The following KDM2B variants were observed in gnomAD, a reference collection of about 807,000 sequenced individuals.
KDM2B encodes the protein lysine-specific demethylase 2B.
A neutral mutation model predicts 150.0 loss-of-function variants in KDM2B; 26 were observed. The ratio of observed to expected loss-of-function variants is 0.17; its 90% CI spans 0.13 to 0.24. The LOEUF is 0.24. Among genes scored for constraint, KDM2B ranks in the 10% least tolerant of loss-of-function variants. The pLI is 1.00. For synonymous variants in KDM2B, 734 were observed against 729.5 expected (o/e 1.01, Z -0.10); for missense variants, 1,265 against 1,816.9 (o/e 0.70, Z 5.52).
rs34911648 is a variant in KDM2B at position 121,444,510 on chromosome 12, G to A, written c.2130C>T (p.Asn710=). 4,705 of 1,614,128 alleles carry A rather than the reference G, an allele frequency of 2.9e-3. 114 individuals carry two copies. In the African/African-American group the frequency reaches 0.056, roughly 19 times the overall value. Residue 710 remains asparagine (N), a synonymous_variant, in exon 15 of 23, where the codon AAC becomes AAT. Coordinates refer to ENST00000377071, the MANE Select transcript of KDM2B (RefSeq NM_032590.5). ...ACTCCCAGCAGTTTGGAAGCTCGTC[G>A]TTGACCACACCCTCTGACTCCTTAA... ...LKIKESEGVV[N]DELPNCWECP... is the part of the protein sequence containing the mutation.
chr12:121,486,670 C>T (rs1321343953), intron 12 of KDM2B, among the ~76,000 whole-genome samples: 1 of 152,014 alleles, frequency 6.6e-6, no homozygotes, highest in Non-Finnish European at 1.5e-5. Context: ...CCTATAATCC[C>T]AGCTACTCGG....
chr12:121,477,405 G>A (rs1468311796), intron 12 of KDM2B, among the ~76,000 whole-genome samples: 1 of 151,052 alleles, frequency 6.6e-6, no homozygotes, highest in Non-Finnish European at 1.5e-5. Flanking sequence ...TTTTTTAAGA[G>A]ACAAAGTCTA....
chr12:121,556,061 G>A (rs942558557), intron 4 of KDM2B, among the ~76,000 whole-genome samples: 8 of 151,904 alleles, frequency 5.3e-5, no homozygotes, highest in African/African-American at 1.9e-4. Flanking sequence ...CGAGTAGCTG[G>A]GACTACAAGA....
intron 22 of KDM2B, among the ~76,000 whole-genome samples, chr12:121,438,046 G>C (rs1874304842): frequency 1.3e-5 from 2 of 152,092 alleles, no homozygotes; most frequent in South Asian, 4.1e-4. Flanking sequence ...CTGAGGTGAG[G>C]AATTTGAGGC....
At chr12:121,462,848 A>G (rs1019383109) in intron 12 of KDM2B, among the ~76,000 whole-genome samples, 2 of 152,130 alleles carry the variant, frequency 1.3e-5, no homozygotes, top group Non-Finnish European at 2.9e-5. Context: ...CACACCTGTA[A>G]TGCCAGCACT....
Position 121,490,118 on chromosome 12 carries a change from G to A in KDM2B, c.1734+4461C>T, listed in dbSNP as rs535294340. ...GTGTCACTCCGGAGGGACCCCAGAC[G>A]GAGCAGGCCTCTGGGATGGAACGGA... On this transcript the variant is annotated intron_variant, in intron 12 of 22. Transcript: ENST00000377071. 3.9e-5 allele frequency among the ~76,000 whole-genome samples: 6 copies of A among 152,306 alleles called. No homozygotes were observed. The East Asian group carries it at 9.7e-4, about 25-fold the overall frequency.
In KDM2B at chr12:121,442,991, C is replaced by T. The variant is rs1217859049; in HGVS notation, c.2604+1G>A. The T allele has an allele frequency of 6.2e-7, 1 of 1,613,368 alleles. No individual in the cohort carries two copies. Among genetic ancestry groups the T allele is most frequent in the South Asian group, 1.1e-5 (1 of 90,912 alleles). On this transcript the variant is annotated splice_donor_variant, in intron 18 of 22. Transcript: ENST00000377071. LOFTEE classifies it high-confidence loss of function. The surrounding 1 kb of genome is among the most constrained non-coding windows in gnomAD (Gnocchi z 7.7). ...GCACAGGAGGGAGGGGAAGATGGTA[C>T]CTTTTTCCTGAAAAGCTTATCTTCT... is the stretch of plus-strand genomic sequence containing the variant.
chr12:121,442,286 G>C lies in KDM2B; in HGVS notation c.3155C>G (p.Pro1052Arg). 6.2e-7 allele frequency: 1 copy of C among 1,612,200 alleles called. No individual in the cohort carries two copies. The highest frequency in any genetic ancestry group is 8.5e-7 in the Non-Finnish European group (1 of 1,179,128). The change falls in exon 19 of 23, where the codon CCT (proline) becomes CGT (arginine). Residue 1052 changes from proline (P) to arginine (R), a missense_variant. By Grantham distance (103) the Pro-to-Arg change is moderately radical. This residue lies in a region of KDM2B where 251 missense variants were observed against 397.8 expected (regional missense o/e 0.63). Coordinates refer to ENST00000377071, the MANE Select transcript of KDM2B (RefSeq NM_032590.5). This position sits in a 1 kb window ranked among gnomAD's most constrained non-coding sequence, Gnocchi z 7.7. ...CCCATCGTCCAGGGGTAGCGAGTCA[G>C]GCGGGGGGCTGATGGGGGGTGGCCG... ...VIRPPPISPP[P>R]DSLPLDDGAA... is the part of the protein sequence containing the mutation.
In KDM2B at chr12:121,549,776, C is replaced by T; in HGVS notation, c.398-138G>A. The T allele has an allele frequency of 1.4e-6, 1 of 719,848 alleles. No individual in the cohort carries two copies. Among genetic ancestry groups the T allele is most frequent in the South Asian group, 2.5e-5 (1 of 40,474 alleles). 44.6% of individuals were successfully genotyped at this position (719,848 alleles called of 1,614,324 possible). On this transcript the variant is annotated intron_variant, in intron 4 of 22. Transcript: ENST00000377071. This position sits in a 1 kb window ranked among gnomAD's most constrained non-coding sequence, Gnocchi z 4.4. The stretch of plus-strand genomic sequence containing the variant: ...CCCCTCTTCCTCATCTGTTCAATTA[C>T]CTCACCCCATCGGCTTTCCTTCTGG...
intron 9 of KDM2B, chr12:121,516,949 A>C (rs890731159): frequency 7.9e-6 from 5 of 636,200 alleles, no homozygotes; most frequent in Non-Finnish European, 1.4e-5. Context: ...ATTATTTGCA[A>C]TTTCCAAATA....
At chr12:121,547,468 T>C (rs1555310889) in intron 6 of KDM2B, among the ~76,000 whole-genome samples, 1 of 152,204 alleles carries the variant, frequency 6.6e-6, no homozygotes, top group African/African-American at 2.4e-5. Flanking sequence ...GCACTCACTA[T>C]GCACTGAATT....
intron 11 of KDM2B, 45 bp from the exon 12 acceptor site, chr12:121,494,710 G>T: frequency 6.8e-7 from 1 of 1,472,440 alleles, no homozygotes; most frequent in Non-Finnish European, 9.3e-7. Context: ...GGGAAGGGGA[G>T]GTCTCTGAAG....
intron 12 of KDM2B, among the ~76,000 whole-genome samples, chr12:121,478,866 T>TTGTTTGTTTGTGTGTG (rs61509046): frequency 0.13 from 16,849 of 131,016 alleles, 1,463 homozygotes; most frequent in African/African-American, 0.24. Context: ...TTTTGTTTGT[T>TTGTTTGTTTGTGTGTG]TGTGTGTGTG....
chr12:121,478,856 T>TTTTG (rs1218251899), intron 12 of KDM2B, among the ~76,000 whole-genome samples: 14 of 131,114 alleles, frequency 1.1e-4, no homozygotes, highest in South Asian at 5.0e-4. Flanking sequence ...ACCGGCTAAT[T>TTTTG]TTTGTTTGTT....
chr12:121,567,983 C>T (rs1890831277), intron 4 of KDM2B, among the ~76,000 whole-genome samples: 1 of 152,050 alleles, frequency 6.6e-6, no homozygotes, highest in African/African-American at 2.4e-5. Flanking sequence ...CCCACCTCAG[C>T]CTCCCAAAGT....
Position 121,509,764 on chromosome 12 carries a change from T to C in KDM2B, c.1450A>G (p.Thr484Ala). The C allele has an allele frequency of 6.2e-7, 1 of 1,614,078 alleles. No homozygotes were observed. The highest frequency in any genetic ancestry group is 1.6e-4 in the Middle Eastern group (1 of 6,062). Residue 484 changes from threonine to alanine, a missense_variant, in exon 11 of 23, where the codon ACC (threonine) becomes GCC (alanine). By Grantham distance (58) the Thr-to-Ala change is moderately conservative (BLOSUM62 0). This residue lies in a region of KDM2B where 154 missense variants were observed against 162.5 expected (regional missense o/e 0.95). Transcript: ENST00000377071. ...TTGGGGTAGTCTACGGCCAATGTGG[T>C]GGACTTCACACTTTCCTCCGACTCA... ...SNESEESVKS[T>A]TLAVDYPKTP... is the part of the protein sequence containing the mutation.
At position 121,452,711 on chromosome 12, in the gene KDM2B, C is replaced by T. The variant is rs1390365725; in HGVS notation, c.1959+409G>A. The stretch of plus-strand genomic sequence containing the variant: ...GGGCCAGGCTCTCCCGGGCGCGGCT[C>T]CTCAGTACCATAAATCACTCCTTGT... On this transcript the variant is annotated intron_variant, in intron 13 of 22. Transcript: ENST00000377071. This position sits in a 1 kb window ranked among gnomAD's most constrained non-coding sequence, Gnocchi z 4.4. Among the ~76,000 whole-genome samples the T allele has an allele frequency of 6.6e-6, 1 of 152,170 alleles. No homozygotes were observed. The highest frequency in any genetic ancestry group is 1.5e-5 in the Non-Finnish European group (1 of 68,012).
At chr12:121,464,510 G>C (rs1879572906) in intron 12 of KDM2B, among the ~76,000 whole-genome samples, 2 of 152,212 alleles carry the variant, frequency 1.3e-5, no homozygotes, top group African/African-American at 2.4e-5. Context: ...GGAAGGCATG[G>C]GGCAGACAGG....
chr12:121,510,866 A>G (rs1885526177), intron 10 of KDM2B, among the ~76,000 whole-genome samples: 1 of 151,936 alleles, frequency 6.6e-6, no homozygotes. Context: ...CATCTATTAT[A>G]TGATTCAACT....
Sources: gnomAD v4.1 joint callset for allele counts (sites outside exome capture counted in the v4.1 genomes callset) on GRCh38, gnomAD v4.1.1 for gene constraint, gnomAD v4.1.1 regional missense constraint, Gnocchi (gnomAD v3.1) non-coding constraint, MANE v1.5 for transcripts, NCBI Gene and HGNC (gene_info 2026-07-23, HGNC 2026-07-21) for gene names.